Variants in EYA4 observed in about 807,000 individuals in gnomAD.
EYA4 encodes protein phosphatase EYA4.
Under a neutral mutation model 87.9 loss-of-function variants are expected in EYA4, and 31 were observed. That is an observed-to-expected ratio of 0.35 (90% confidence interval 0.27 to 0.48). EYA4 has a LOEUF of 0.48. Among genes scored for constraint, EYA4 ranks in the 20% least tolerant of loss-of-function variants. The pLI is 0.99. For missense variants in EYA4, 678 were observed against 761.4 expected, an observed-to-expected ratio of 0.89 and a Z score of 1.29; for synonymous variants, 263 against 270.6, an observed-to-expected ratio of 0.97 and a Z score of 0.28.
At chr6:133,330,946 CTT>C (rs1189867930) in intron 2 of EYA4, among the ~76,000 whole-genome samples, 1 of 146,568 alleles carries the variant, frequency 6.8e-6, no homozygotes, top group African/African-American at 2.5e-5. Context: ...AGTACATTGA[CTT>C]TGTGAGAATT....
chr6:133,316,343 C>T (rs889013066), intron 2 of EYA4, among the ~76,000 whole-genome samples: 2 of 151,846 alleles, frequency 1.3e-5, no homozygotes, highest in Non-Finnish European at 1.5e-5. Context: ...AATTACAGTC[C>T]CCAAGGTAAA....
intron 3 of EYA4, among the ~76,000 whole-genome samples, chr6:133,392,918 CTG>C (rs745352831): frequency 2.0e-5 from 3 of 152,164 alleles, no homozygotes; most frequent in Non-Finnish European, 4.4e-5. Context: ...GTTCTGGAGA[CTG>C]TTAGCTGCTT....
intron 2 of EYA4, among the ~76,000 whole-genome samples, chr6:133,365,649 G>C (rs796923623): frequency 6.6e-6 from 1 of 152,242 alleles, no homozygotes; most frequent in East Asian, 1.9e-4. Context: ...CTGTGGGAAA[G>C]GGAAGGGCAG....
chr6:133,465,657 A>G (rs766335353), intron 10 of EYA4, among the ~76,000 whole-genome samples: 9 of 152,106 alleles, frequency 5.9e-5, no homozygotes, highest in Non-Finnish European at 1.0e-4. Context: ...TTGAGATTGA[A>G]GAGTTAGTGG....
chr6:133,439,538 G>A (rs1792060130), intron 3 of EYA4: 1 of 152,256 alleles, frequency 6.6e-6, no homozygotes, highest in Non-Finnish European at 1.5e-5. Context: ...ATGGGGCAGA[G>A]TTCAGGAGAA....
intron 3 of EYA4, among the ~76,000 whole-genome samples, chr6:133,424,467 C>A (rs1288712499): frequency 6.6e-6 from 1 of 151,814 alleles, no homozygotes; most frequent in Non-Finnish European, 1.5e-5. Flanking sequence ...GATCTTGGAG[C>A]AGGTGCCAGG....
chr6:133,289,207 C>T (rs1476252868), intron 2 of EYA4, among the ~76,000 whole-genome samples: 2 of 152,118 alleles, frequency 1.3e-5, no homozygotes, highest in African/African-American at 2.4e-5. Context: ...AGGAGTGATA[C>T]ACTCTGACTC....
At chr6:133,490,997 A>G (rs1273657990) in intron 13 of EYA4, among the ~76,000 whole-genome samples, 9 of 152,224 alleles carry the variant, frequency 5.9e-5, no homozygotes, top group Admixed American at 5.2e-4. Flanking sequence ...AAATGAAATT[A>G]TATTATGTAT....
intron 11 of EYA4, 66 bp downstream of exon 11, chr6:133,468,797 T>C (rs1357513510): frequency 1.3e-6 from 2 of 1,518,838 alleles, no homozygotes. Flanking sequence ...ACGGAGAAAG[T>C]GGACATTCCA....
At chr6:133,380,323 G>A (rs1786077390) in intron 2 of EYA4, among the ~76,000 whole-genome samples, 1 of 152,102 alleles carries the variant, frequency 6.6e-6, no homozygotes, top group African/African-American at 2.4e-5. Context: ...GTACTAAATA[G>A]CAAAACCCTG....
At position 133,356,746 on chromosome 6, in the gene EYA4, AGTGTGTGTGTGT is replaced by A. The variant is rs58234857; in HGVS notation, c.34-25611_34-25600del. On this transcript the variant is annotated intron_variant, in intron 2 of 19. Transcript: ENST00000355286. The stretch of plus-strand genomic sequence containing the variant: ...CATTTGAAGTGTCAAAGCATTATTC[AGTGTGTGTGTGT>A]GTGTGTGTGTGTGTGTGTGTGTGTG... 9.0e-3 allele frequency among the ~76,000 whole-genome samples: 1,228 copies of A among 136,842 alleles called. 12 individuals are homozygous for A. Among genetic ancestry groups the A allele is most frequent in the Middle Eastern group, 0.03 (8 of 270 alleles). 89.8% of individuals were successfully genotyped at this position (136,842 alleles called of 152,430 possible). A position where few individuals can be genotyped will look rare whatever the true frequency, so the allele number is the denominator to read the frequency against.
chr6:133,282,136 G>C (rs1179146239), intron 2 of EYA4, among the ~76,000 whole-genome samples: 2 of 152,160 alleles, frequency 1.3e-5, no homozygotes, highest in Non-Finnish European at 2.9e-5. Flanking sequence ...TCAAATGGTA[G>C]TTCTGTTTAA....
intron 2 of EYA4, among the ~76,000 whole-genome samples, chr6:133,345,600 T>C (rs1422113984): frequency 6.6e-6 from 1 of 152,188 alleles, no homozygotes; most frequent in East Asian, 1.9e-4. Context: ...AGCATTACTA[T>C]TTCATCACCT....
intron 3 of EYA4, among the ~76,000 whole-genome samples, chr6:133,409,808 G>A (rs566578400): frequency 6.6e-6 from 1 of 152,114 alleles, no homozygotes; most frequent in East Asian, 1.9e-4. Context: ...ATGTATACCA[G>A]AAATTTATTA....
intron 5 of EYA4, among the ~76,000 whole-genome samples, chr6:133,450,531 T>C (rs1486171588): frequency 6.6e-6 from 1 of 152,118 alleles, no homozygotes; most frequent in East Asian, 1.9e-4. Context: ...TAAGATGGAG[T>C]CTCACTCTGT....
Position 133,530,510 on chromosome 6 carries a change from G to T in EYA4, c.*1705G>T, listed in dbSNP as rs1317758577. 2.0e-6 allele frequency: 2 copies of T among 985,704 alleles called. No individual in the cohort carries two copies. The highest frequency in any genetic ancestry group is 2.4e-6 in the Non-Finnish European group (2 of 829,912). 61.1% of individuals were successfully genotyped at this position (985,704 alleles called of 1,614,324 possible). A position where few individuals can be genotyped will look rare whatever the true frequency, so the allele number is the denominator to read the frequency against. On this transcript the variant is annotated 3_prime_UTR_variant, in exon 20 of 20. Transcript: ENST00000355286. ...GTCATAATGTGGATCCTGGAGTCAG[G>T]CTACTAGTCAGTGCCCCTAGCCAGA...
chr6:133,242,271 G>A (rs1774013210), intron 1 of EYA4, among the ~76,000 whole-genome samples: 1 of 152,208 alleles, frequency 6.6e-6, no homozygotes, highest in African/African-American at 2.4e-5. Context: ...TGCCGGGTGC[G>A]TGTGTACTTT....
intron 17 of EYA4, among the ~76,000 whole-genome samples, chr6:133,516,584 C>T (rs1053536330): frequency 1.3e-5 from 2 of 151,140 alleles, no homozygotes; most frequent in Admixed American, 6.6e-5. Context: ...ATTAGCTGGT[C>T]GTGGTGGTGC....
chr6:133,305,935 T>C (rs951559914), intron 2 of EYA4, among the ~76,000 whole-genome samples: 1 of 152,214 alleles, frequency 6.6e-6, no homozygotes, highest in Non-Finnish European at 1.5e-5. Flanking sequence ...ATTTCTGCCA[T>C]TATTGGTAAC....
Sources: gnomAD v4.1 joint callset for allele counts (sites outside exome capture counted in the v4.1 genomes callset) on GRCh38, gnomAD v4.1.1 for gene constraint, MANE v1.5 for transcripts, NCBI Gene and HGNC (gene_info 2026-07-23, HGNC 2026-07-21) for gene names.